SYNE2: variants seen among roughly 807,000 people sequenced by gnomAD.
SYNE2 encodes the protein nesprin-2.
Under a neutral mutation model 856.3 loss-of-function variants are expected in SYNE2, and 431 were observed. The ratio of observed to expected loss-of-function variants is 0.50; its 90% confidence interval spans 0.47 to 0.55. The LOEUF is 0.55. Ranked by LOEUF, SYNE2 falls within the 20% of genes least tolerant of loss-of-function variation. The pLI is 0.00. For synonymous variants in SYNE2, 2,923 were observed against 2,872.3 expected, an observed-to-expected ratio of 1.02 and a Z score of -0.56; for missense variants, 8,129 against 8,023.2, an observed-to-expected ratio of 1.01 and a Z score of -0.50.
At chr14:64,221,852 C>A in intron 112 of SYNE2, 148 bp downstream of exon 112, 1 of 985,174 alleles carries the variant, frequency 1.0e-6, no homozygotes, top group Non-Finnish European at 1.6e-6. Context: ...AGTGTTCCTC[C>A]AGTTGGTGTT....
chr14:64,100,531 A>AAAAAAAAT (rs1491537041), intron 63 of SYNE2, among the ~76,000 whole-genome samples: 1 of 39,496 alleles, frequency 2.5e-5, no homozygotes, highest in Non-Finnish European at 4.7e-5. Flanking sequence ...AAAAAAAAAA[A>AAAAAAAAT]ATATATATAT....
intron 94 of SYNE2, among the ~76,000 whole-genome samples, chr14:64,174,543 C>T (rs963267240): frequency 6.6e-6 from 1 of 152,126 alleles, no homozygotes; most frequent in African/African-American, 2.4e-5. Context: ...GCGTTCTTTC[C>T]TTTTACATTT....
chr14:64,019,644 C>T (rs1567068978), intron 34 of SYNE2, among the ~76,000 whole-genome samples: 2 of 151,168 alleles, frequency 1.3e-5, no homozygotes, highest in African/African-American at 4.9e-5. Context: ...ATTGTGTGTC[C>T]GTGTGTGTGT....
Position 64,065,575 on chromosome 14 carries a change from T to A in SYNE2, c.10356T>A (p.Ser3452Arg). ...IVSALWEKWLSLLEAAKEWEM... is the reference protein window; with the variant it reads ...IVSALWEKWLRLLEAAKEWEM... ...CGGCTCTGTGGGAGAAATGGCTGAGTTTGCTGGAAGCTGCTAAAGAGTGGG... is the reference window on the plus strand; with the variant it reads ...CGGCTCTGTGGGAGAAATGGCTGAGATTGCTGGAAGCTGCTAAAGAGTGGG... Residue 3452 changes from serine to arginine, a missense_variant, in exon 51 of 116, where the codon AGT becomes AGA. Physicochemically the swap from Ser to Arg is moderately radical, Grantham distance 110. Coordinates refer to ENST00000555002, the MANE Select transcript of SYNE2 (RefSeq NM_182914.3). 6.2e-7 allele frequency: 1 copy of A among 1,614,126 alleles called. No individual in the cohort carries two copies.
At chr14:63,826,279 A>T (rs940720700) in intron 1 of SYNE2, among the ~76,000 whole-genome samples, 1 of 28,910 alleles carries the variant, frequency 3.5e-5, no homozygotes, top group African/African-American at 8.3e-5. Flanking sequence ...CAAGCATGCC[A>T]AAAAAATCAG....
chr14:64,190,004 T>G, intron 98 of SYNE2, 67 bp from the exon 99 acceptor site: 1 of 1,568,152 alleles, frequency 6.4e-7, no homozygotes, highest in Non-Finnish European at 8.8e-7. Context: ...TAACTCTATG[T>G]CTGTGGCTGG....
At chr14:63,885,182 C>CACTTAGGA (rs2094954697) in intron 1 of SYNE2, among the ~76,000 whole-genome samples, 1 of 152,082 alleles carries the variant, frequency 6.6e-6, no homozygotes, top group Admixed American at 6.6e-5. Context: ...CCATCTAGGC[C>CACTTAGGA]CAACTTAGGA....
At chr14:64,198,579 A>C (rs2098549368) in intron 99 of SYNE2, among the ~76,000 whole-genome samples, 1 of 152,158 alleles carries the variant, frequency 6.6e-6, no homozygotes, top group Non-Finnish European at 1.5e-5. Context: ...ATACCGGCTA[A>C]ATCCTGGCTG....
rs559679798 is a variant in SYNE2 at position 64,165,518 on chromosome 14, A to T, written c.16605+108A>T. The T allele has an allele frequency of 2.3e-4, 241 of 1,038,372 alleles. 2 individuals are homozygous for T. Among genetic ancestry groups the T allele is most frequent in the African/African-American group, 2.2e-3 (128 of 57,176 alleles). 64.3% of individuals were successfully genotyped at this position (1,038,372 alleles called of 1,614,324 possible). A position where few individuals can be genotyped will look rare whatever the true frequency, so the allele number is the denominator to read the frequency against. On this transcript the variant is annotated intron_variant, in intron 90 of 115. Transcript: ENST00000555002. ...AATGCTTGCATCCTAACTCACTCTT[A>T]TTTTTTTTTTTTGAGACGGACTCTC...
In SYNE2 at chr14:63,952,117, A is replaced by G. The variant is rs376393278; in HGVS notation, c.590+2111A>G. ...ATTTTCTCATTTGTGAAACAGATGAATCAGGCCCCGTTCTCCACATCTAAA... is the reference window on the plus strand; with the variant it reads ...ATTTTCTCATTTGTGAAACAGATGAGTCAGGCCCCGTTCTCCACATCTAAA... On this transcript the variant is annotated intron_variant, in intron 7 of 115. Transcript: ENST00000555002. 2.4e-4 allele frequency among the ~76,000 whole-genome samples: 36 copies of G among 152,362 alleles called. 1 individual carries two copies. Among genetic ancestry groups the G allele is most frequent in the African/African-American group, 8.2e-4 (34 of 41,584 alleles).
At chr14:63,897,668 C>T (rs2095274971) in intron 1 of SYNE2, among the ~76,000 whole-genome samples, 1 of 152,200 alleles carries the variant, frequency 6.6e-6, no homozygotes, top group Non-Finnish European at 1.5e-5. Context: ...GCTGTTCTGG[C>T]CTCAGTGGGC....
intron 57 of SYNE2, chr14:64,087,312 A>G (rs1251233017): frequency 4.5e-6 from 2 of 448,670 alleles, no homozygotes; most frequent in Non-Finnish European, 8.7e-6. Flanking sequence ...GAACATTTTC[A>G]TTAGGTGGCT....
intron 1 of SYNE2, among the ~76,000 whole-genome samples, chr14:63,904,244 C>G (rs2095377868): frequency 6.6e-6 from 1 of 152,102 alleles, no homozygotes; most frequent in Admixed American, 6.5e-5. Context: ...CAGGCTGAAT[C>G]CATGTCTTTG....
At chr14:64,198,225 G>C (rs1039009619) in intron 99 of SYNE2, among the ~76,000 whole-genome samples, 98 of 152,332 alleles carry the variant, frequency 6.4e-4, no homozygotes, top group African/African-American at 2.3e-3. Flanking sequence ...GCGCTCAGGT[G>C]GTTGATGTCA....
At chr14:63,850,778 A>G (rs1198848357), upstream of SYNE2, among the ~76,000 whole-genome samples, 1 of 152,208 alleles carries the variant, frequency 6.6e-6, no homozygotes, top group Non-Finnish European at 1.5e-5. Flanking sequence ...ACTAGACAAC[A>G]TGGAGCAACA....
In SYNE2 at chr14:64,062,196, C is replaced by T. The variant is rs1251708231; in HGVS notation, c.10068-555C>T. ...ATACTTTCTAAAAGTAATGTAATTA[C>T]TCTATAATATTGTATACGATGAATT... On this transcript the variant is annotated intron_variant, in intron 49 of 115. Transcript: ENST00000555002. 2.0e-5 allele frequency among the ~76,000 whole-genome samples: 3 copies of T among 151,990 alleles called. No individual in the cohort carries two copies. The East Asian group carries it at 5.8e-4, about 29-fold the overall frequency.
At chr14:63,795,421 C>G (rs937967244) in intron 1 of SYNE2, among the ~76,000 whole-genome samples, 2 of 152,180 alleles carry the variant, frequency 1.3e-5, no homozygotes, top group Non-Finnish European at 2.9e-5. Flanking sequence ...ACTGGCTCTT[C>G]TTGCTCCTCA....
At chr14:64,217,188 C>G (rs1230739793) in intron 108 of SYNE2, among the ~76,000 whole-genome samples, 4 of 152,216 alleles carry the variant, frequency 2.6e-5, no homozygotes, top group Non-Finnish European at 4.4e-5. Context: ...TCACCTGAGG[C>G]TAAAGCTATT....
At chr14:64,070,429 A>G (rs2097396823) in intron 51 of SYNE2, among the ~76,000 whole-genome samples, 1 of 152,206 alleles carries the variant, frequency 6.6e-6, no homozygotes, top group Non-Finnish European at 1.5e-5. Flanking sequence ...CCACCACAGC[A>G]GTACTCCATT....
Sources: allele counts gnomAD v4.1 joint callset (sites outside exome capture counted in the v4.1 genomes callset), GRCh38; gene constraint gnomAD v4.1.1; transcripts MANE v1.5; gene names NCBI Gene and HGNC (gene_info 2026-07-23, HGNC 2026-07-21).